The following ANKRD6 variants were observed in gnomAD, a reference collection of about 807,000 sequenced individuals.
ANKRD6 encodes the protein ankyrin repeat domain 6.
Under a neutral mutation model 82.3 loss-of-function variants are expected in ANKRD6, and 56 were observed. The ratio of observed to expected loss-of-function variants is 0.68; its 90% CI spans 0.55 to 0.85. The LOEUF is 0.85. Among genes scored for constraint, ANKRD6 ranks in the 40% least tolerant of loss-of-function variants. ANKRD6 has a pLI of 0.00. For synonymous variants in ANKRD6, 347 were observed against 352.1 expected (o/e 0.99, Z 0.16); for missense variants, 852 against 907.6 (o/e 0.94, Z 0.79).
chr6:89,492,569 A>G (rs1778140305), intron 1 of ANKRD6, among the ~76,000 whole-genome samples: 1 of 152,160 alleles, frequency 6.6e-6, no homozygotes, highest in South Asian at 2.1e-4. Context: ...CACTTTCTGC[A>G]TTTTGTTCTT....
At chr6:89,626,797 T>C (rs1805832733) in intron 13 of ANKRD6, among the ~76,000 whole-genome samples, 1 of 152,228 alleles carries the variant, frequency 6.6e-6, no homozygotes, top group Non-Finnish European at 1.5e-5. Context: ...CAGAAGGGCA[T>C]GTGATTAAAA....
intron 1 of ANKRD6, chr6:89,561,545 A>G (rs1787423904): frequency 1.3e-5 from 2 of 152,118 alleles, no homozygotes; most frequent in Non-Finnish European, 2.9e-5. Context: ...AAGAAAATGA[A>G]CCACTCCTTG....
intron 1 of ANKRD6, among the ~76,000 whole-genome samples, chr6:89,513,213 G>GT (rs146003105): frequency 3.9e-5 from 6 of 152,146 alleles, no homozygotes; most frequent in Non-Finnish European, 7.4e-5. Flanking sequence ...TGTCATGGCT[G>GT]TTTTTTCTTT....
rs192611476 is a variant in ANKRD6, at chr6:89,614,325, C to T, written c.615+435C>T. ...TTCAAGACCAGCCCGGGCAACATAGCGAGACCCTGTCTCTACAAAAAATTT... is the reference window on the plus strand; with the variant it reads ...TTCAAGACCAGCCCGGGCAACATAGTGAGACCCTGTCTCTACAAAAAATTT... On this transcript the variant is annotated intron_variant, in intron 7 of 15. Coordinates refer to ENST00000339746, the MANE Select transcript of ANKRD6 (RefSeq NM_001242809.2). Among the ~76,000 whole-genome samples, 519 of 152,096 alleles carry T rather than the reference C, an allele frequency of 3.4e-3. 3 individuals carry two copies. The highest frequency in any genetic ancestry group is 0.012 in the African/African-American group (500 of 41,472).
At chr6:89,443,623 G>A (rs1771700921) in intron 1 of ANKRD6, among the ~76,000 whole-genome samples, 1 of 150,590 alleles carries the variant, frequency 6.6e-6, no homozygotes, top group Non-Finnish European at 1.5e-5. Flanking sequence ...GACTACAGGC[G>A]CATGCCACTA....
rs575854781 is a variant in ANKRD6 at position 89,465,804 on chromosome 6, A to G, written c.-144+32429A>G. On this transcript the variant is annotated intron_variant, in intron 1 of 15. Coordinates refer to ENST00000339746, the MANE Select transcript of ANKRD6 (RefSeq NM_001242809.2). ...CTTGAGCCCGGGAGATCAATGCTGC[A>G]GTGAGATGTGATAGTACCAGTGTGC... 2.6e-5 allele frequency among the ~76,000 whole-genome samples: 4 copies of G among 152,266 alleles called. No individual in the cohort carries two copies. The South Asian group carries it at 8.3e-4, about 32-fold the overall frequency.
intron 1 of ANKRD6, among the ~76,000 whole-genome samples, chr6:89,463,786 G>A (rs2127775653): frequency 6.6e-6 from 1 of 152,072 alleles, no homozygotes; most frequent in East Asian, 1.9e-4. Context: ...CCTGACCTCA[G>A]GTGATCTGCC....
At chr6:89,536,251 C>G (rs571626941) in intron 1 of ANKRD6, among the ~76,000 whole-genome samples, 90 of 152,270 alleles carry the variant, frequency 5.9e-4, no homozygotes, top group Non-Finnish European at 1.1e-3. Context: ...GAAAAAAAAC[C>G]TTACCACAAT....
chr6:89,465,227 C>T (rs940319957), intron 1 of ANKRD6, among the ~76,000 whole-genome samples: 1 of 150,048 alleles, frequency 6.7e-6, no homozygotes, highest in Non-Finnish European at 1.5e-5. Context: ...TCAAGTAATT[C>T]TCCTGCCTCA....
At chr6:89,458,509 C>A (rs1021844724) in intron 1 of ANKRD6, among the ~76,000 whole-genome samples, 4 of 152,174 alleles carry the variant, frequency 2.6e-5, no homozygotes, top group African/African-American at 9.7e-5. Flanking sequence ...TGCCCAAGAG[C>A]CCCTGGCAAA....
intron 1 of ANKRD6, among the ~76,000 whole-genome samples, chr6:89,548,046 A>G (rs1458408601): frequency 6.6e-6 from 1 of 152,226 alleles, no homozygotes; most frequent in Non-Finnish European, 1.5e-5. Flanking sequence ...AAAAATTGAG[A>G]TATATTTTAC....
Position 89,631,190 on chromosome 6 carries a change from T to A in ANKRD6, c.*186T>A. The A allele has an allele frequency of 1.8e-6, 2 of 1,086,012 alleles. No individual in the cohort carries two copies. The highest frequency in any genetic ancestry group is 1.2e-6 in the Non-Finnish European group (1 of 822,964). 67.3% of individuals were successfully genotyped at this position (1,086,012 alleles called of 1,614,324 possible). A position where few individuals can be genotyped will look rare whatever the true frequency, so the allele number is the denominator to read the frequency against. ...AGGAAGTTATGAAGACTTCAACAAT[T>A]AAACTGAAACCAGGGGAAGCTTGCT... On this transcript the variant is annotated 3_prime_UTR_variant, in exon 16 of 16. Transcript: ENST00000339746.
chr6:89,537,879 C>CAAAA (rs55864526), intron 1 of ANKRD6, among the ~76,000 whole-genome samples: 34 of 110,776 alleles, frequency 3.1e-4, no homozygotes, highest in African/African-American at 8.3e-4. Context: ...GACAATGTCT[C>CAAAA]AAAAAAAAAA....
At chr6:89,588,406 A>G (rs1442346429) in intron 2 of ANKRD6, among the ~76,000 whole-genome samples, 4 of 152,196 alleles carry the variant, frequency 2.6e-5, no homozygotes, top group African/African-American at 9.7e-5. Flanking sequence ...GGCTTGACTC[A>G]AAAAAGACTG....
chr6:89,596,634 C>T (rs1402587982), intron 3 of ANKRD6, among the ~76,000 whole-genome samples: 2 of 152,124 alleles, frequency 1.3e-5, no homozygotes, highest in Admixed American at 1.3e-4. Context: ...TCTATTCATT[C>T]AGGTTATCTA....
rs968785348 is a variant in ANKRD6 at position 89,623,413 on chromosome 6, A to C, written c.901A>C (p.Ser301Arg). The change falls in exon 11 of 16, where the codon AGT becomes CGT. Residue 301 changes from serine to arginine, a missense_variant. Physicochemically the swap from Ser to Arg is moderately radical, Grantham distance 110. Coordinates refer to ENST00000339746, the MANE Select transcript of ANKRD6 (RefSeq NM_001242809.2). ...TCTGGGCTTTTTCCTTCTGTAGGGCAGTGTCTCAGCAGGAGACACCCCCAG... is the reference window on the plus strand; with the variant it reads ...TCTGGGCTTTTTCCTTCTGTAGGGCCGTGTCTCAGCAGGAGACACCCCCAG... ...PRDEVAQSKG[S>R]VSAGDTPSSE... 1.9e-6 allele frequency: 3 copies of C among 1,612,492 alleles called. No individual in the cohort carries two copies. The highest frequency in any genetic ancestry group is 2.7e-5 in the African/African-American group (2 of 74,908).
intron 2 of ANKRD6, among the ~76,000 whole-genome samples, chr6:89,591,473 A>G (rs1272471472): frequency 6.6e-6 from 1 of 152,188 alleles, no homozygotes; most frequent in Non-Finnish European, 1.5e-5. Context: ...TCCTAGGGGC[A>G]TGGAAATGGA....
Position 89,443,378 on chromosome 6 carries a change from G to A in ANKRD6, c.-144+10003G>A, listed in dbSNP as rs1211841732. Reference sequence around the variant, plus strand: ...ATATATTAAAATTTGGGAATTCTCAGCCTTACTCCATAGATTCTAATTCAC... The same window carrying A: ...ATATATTAAAATTTGGGAATTCTCAACCTTACTCCATAGATTCTAATTCAC... On this transcript the variant is annotated intron_variant, in intron 1 of 15. Transcript: ENST00000339746. 2.6e-5 allele frequency among the ~76,000 whole-genome samples: 4 copies of A among 152,164 alleles called. No individual in the cohort carries two copies. In the East Asian group the frequency reaches 5.8e-4, roughly 22 times the overall value.
In ANKRD6 at chr6:89,549,486, C is replaced by T. The variant is rs1785531288; in HGVS notation, c.-143-17348C>T. The stretch of plus-strand genomic sequence containing the variant: ...ATGATAGCTTCTCAATCTTTGATGT[C>T]CCAGCCTCCAGAACTGTGAGAAATA... On this transcript the variant is annotated intron_variant, in intron 1 of 15. Coordinates refer to ENST00000339746, the MANE Select transcript of ANKRD6 (RefSeq NM_001242809.2). Among the ~76,000 whole-genome samples, 3 of 146,964 alleles carry T rather than the reference C, an allele frequency of 2.0e-5. No individual in the cohort carries two copies. The Admixed American group carries it at 2.1e-4, about 11-fold the overall frequency.
Sources: gnomAD v4.1 joint callset for allele counts (sites outside exome capture counted in the v4.1 genomes callset) on GRCh38, gnomAD v4.1.1 for gene constraint, MANE v1.5 for transcripts, NCBI Gene and HGNC (gene_info 2026-07-23, HGNC 2026-07-21) for gene names.